The following NAALADL2 variants were observed in gnomAD, a reference collection of about 807,000 sequenced individuals.
The protein encoded by NAALADL2 is inactive N-acetylated-alpha-linked acidic dipeptidase-like protein 2.
NAALADL2 carries 76 observed loss-of-function variants against 87.2 expected under a neutral mutation model. That is an observed-to-expected ratio of 0.87 (90% CI 0.72 to 1.05). The LOEUF is 1.05. Ranked by LOEUF, NAALADL2 falls within the 50% of genes least tolerant of loss-of-function variation. NAALADL2 has a pLI of 0.00. For missense variants in NAALADL2, 1,089 were observed against 945.8 expected (o/e 1.15, Z -1.99); for synonymous variants, 354 against 331.0 (o/e 1.07, Z -0.75).
At chr3:174,569,398 T>A (rs948294569) in intron 2 of NAALADL2, among the ~76,000 whole-genome samples, 4 of 152,092 alleles carry the variant, frequency 2.6e-5, no homozygotes, top group African/African-American at 9.6e-5. Flanking sequence ...GCACCCCTCC[T>A]ATGTGTACAG....
In NAALADL2 at chr3:174,584,697, A is replaced by C. The variant is rs138675272; in HGVS notation, c.-115+34060A>C. ...ATAAATTTTTATTTAGTACCATCTC[A>C]AGTATTTAATCCGGTTTGCTACTGT... is the stretch of plus-strand genomic sequence containing the variant. On this transcript the variant is annotated intron_variant, in intron 2 of 3. Transcript: ENST00000434257. Among the ~76,000 whole-genome samples, 1,239 of 152,182 alleles carry C rather than the reference A, an allele frequency of 8.1e-3. 13 individuals carry two copies. The highest frequency in any genetic ancestry group is 0.028 in the African/African-American group (1,182 of 41,526).
chr3:175,395,075 A>C (rs1769593547), intron 5 of NAALADL2, among the ~76,000 whole-genome samples: 2 of 152,094 alleles, frequency 1.3e-5, no homozygotes, highest in South Asian at 4.1e-4. Flanking sequence ...ATTTGAACAC[A>C]AGCGTTGGGA....
At chr3:174,939,018 T>A (rs568448392) in intron 1 of NAALADL2, among the ~76,000 whole-genome samples, 15 of 152,258 alleles carry the variant, frequency 9.9e-5, no homozygotes, top group African/African-American at 3.4e-4. Flanking sequence ...TTTAATTAGA[T>A]CCTTCTCGTC....
intron 2 of NAALADL2, among the ~76,000 whole-genome samples, chr3:174,566,188 C>T (rs1231711007): frequency 6.6e-6 from 1 of 151,830 alleles, no homozygotes; most frequent in Non-Finnish European, 1.5e-5. Context: ...ACTCTTGTGA[C>T]TTAATTTTTT....
At chr3:174,987,548 G>A (rs1260115806) in intron 1 of NAALADL2, among the ~76,000 whole-genome samples, 14 of 96,894 alleles carry the variant, frequency 1.4e-4, no homozygotes, top group African/African-American at 2.8e-4. Flanking sequence ...CAGCCTGGGC[G>A]ACAGAGCGAG....
At chr3:174,972,559 A>G (rs773014037) in intron 1 of NAALADL2, among the ~76,000 whole-genome samples, 1 of 152,106 alleles carries the variant, frequency 6.6e-6, no homozygotes, top group Non-Finnish European at 1.5e-5. Context: ...CACCCTTATG[A>G]TCTTATTTAT....
intron 11 of NAALADL2, among the ~76,000 whole-genome samples, chr3:175,637,058 T>G (rs1395570636): frequency 6.6e-6 from 1 of 152,222 alleles, no homozygotes. Context: ...TTAACACTAT[T>G]TCTCCATTTC....
intron 3 of NAALADL2, among the ~76,000 whole-genome samples, chr3:174,840,316 A>G (rs1230193289): frequency 6.6e-6 from 1 of 152,044 alleles, no homozygotes; most frequent in African/African-American, 2.4e-5. Context: ...TCAAATATTT[A>G]TTGAACACTT....
chr3:175,644,139 G>C (rs28548730), intron 11 of NAALADL2, among the ~76,000 whole-genome samples: 3,074 of 152,138 alleles, frequency 0.02, 91 homozygotes, highest in African/African-American at 0.068. Flanking sequence ...GCCAAATTTT[G>C]TGGGATTTTT....
chr3:175,099,689 T>C (rs1025358826), intron 2 of NAALADL2, among the ~76,000 whole-genome samples: 1 of 152,184 alleles, frequency 6.6e-6, no homozygotes, highest in African/African-American at 2.4e-5. Context: ...AATTGCTGTA[T>C]CTCTTTTCTA....
intron 11 of NAALADL2, among the ~76,000 whole-genome samples, chr3:175,638,309 T>C (rs1326061698): frequency 1.3e-5 from 2 of 152,184 alleles, no homozygotes; most frequent in Non-Finnish European, 1.5e-5. Flanking sequence ...TCTTATCCAC[T>C]TATTTCTTCA....
chr3:174,925,653 A>C (rs890821496), intron 1 of NAALADL2, among the ~76,000 whole-genome samples: 34 of 152,250 alleles, frequency 2.2e-4, no homozygotes, highest in African/African-American at 7.5e-4. Flanking sequence ...GAATCTATAA[A>C]TTACCTTGGG....
intron 1 of NAALADL2, among the ~76,000 whole-genome samples, chr3:175,024,715 CT>C (rs1205000207): frequency 2.1e-5 from 3 of 145,934 alleles, no homozygotes; most frequent in African/African-American, 5.0e-5. Flanking sequence ...CAGTAATTAT[CT>C]TATTTTTTTT....
Position 174,454,337 on chromosome 3 carries a change from G to A in NAALADL2, c.-184+13305G>A, listed in dbSNP as rs75892756. On this transcript the variant is annotated intron_variant, in intron 1 of 3. Coordinates refer to the NAALADL2 transcript ENST00000434257. ...TCACAGTATTATATAGATCATCGAG[G>A]GAGAAAATTAACGATATTCAGGACC... Among the ~76,000 whole-genome samples, 127 of 152,088 alleles carry A rather than the reference G, an allele frequency of 8.4e-4. 2 individuals are homozygous for A. The East Asian group carries it at 9.3e-3, about 11-fold the overall frequency.
intron 2 of NAALADL2, among the ~76,000 whole-genome samples, chr3:174,628,720 G>A (rs188708152): frequency 6.6e-6 from 1 of 152,218 alleles, no homozygotes; most frequent in Admixed American, 6.5e-5. Flanking sequence ...ATTTCTGAGA[G>A]TTAACCACTT....
chr3:174,635,956 T>C (rs1007818621), intron 2 of NAALADL2, among the ~76,000 whole-genome samples: 25 of 152,174 alleles, frequency 1.6e-4, no homozygotes, highest in African/African-American at 5.8e-4. Flanking sequence ...CCTAAGTTTT[T>C]GTGATTTAAT....
intron 2 of NAALADL2, among the ~76,000 whole-genome samples, chr3:175,216,650 T>TTTCTA (rs1742565966): frequency 2.2e-5 from 1 of 46,156 alleles, no homozygotes; most frequent in African/African-American, 4.7e-5. Flanking sequence ...AGCAATTTTT[T>TTTCTA]TTCTTTTTTT....
chr3:175,361,270 T>G (rs1385962927), intron 5 of NAALADL2, among the ~76,000 whole-genome samples: 1 of 149,924 alleles, frequency 6.7e-6, no homozygotes, highest in Admixed American at 6.8e-5. Context: ...CTATCACTGA[T>G]GGACATTTGG....
intron 11 of NAALADL2, among the ~76,000 whole-genome samples, chr3:175,680,928 C>T (rs973170024): frequency 3.3e-4 from 50 of 152,118 alleles, no homozygotes; most frequent in African/African-American, 1.1e-3. Context: ...TCCTGGCCAA[C>T]ATGGTGAAAC....
Sources: gnomAD v4.1 joint callset for allele counts (sites outside exome capture counted in the v4.1 genomes callset) on GRCh38, gnomAD v4.1.1 for gene constraint, MANE v1.5 for transcripts, NCBI Gene and HGNC (gene_info 2026-07-23, HGNC 2026-07-21) for gene names.